DNAH3: variants seen among roughly 807,000 people sequenced by gnomAD.
The protein encoded by DNAH3 is axonemal beta dynein heavy chain 3.
In DNAH3, 332 loss-of-function variants were observed where a neutral mutation model predicts 432.5. The ratio of observed to expected loss-of-function variants is 0.77; its 90% CI spans 0.70 to 0.84. The LOEUF (loss-of-function observed/expected upper bound fraction) is 0.84, where lower values mean the gene tolerates loss of function less well. Among genes scored for constraint, DNAH3 ranks in the 40% least tolerant of loss-of-function variants. The pLI, the probability that DNAH3 is intolerant of heterozygous loss-of-function variation, is 0.00. For synonymous variants in DNAH3, 1,956 were observed against 1,900.2 expected, an observed-to-expected ratio of 1.03 and a Z score of -0.76; for missense variants, 4,861 against 5,114.0, an observed-to-expected ratio of 0.95 and a Z score of 1.51.
intron 7 of DNAH3, 106 bp from the exon 9 acceptor site, chr16:21,127,918 G>A (rs1014058571): frequency 4.4e-6 from 6 of 1,364,194 alleles, no homozygotes; most frequent in South Asian, 1.3e-5. Context: ...TGAAAGTTAA[G>A]CAGAATCAAA....
chr16:21,065,158 C>T (rs1488260736), intron 24 of DNAH3, among the ~76,000 whole-genome samples: 2 of 152,020 alleles, frequency 1.3e-5, no homozygotes, highest in Non-Finnish European at 2.9e-5. Context: ...TATATTAGTG[C>T]TATTATTCAT....
At chr16:21,018,982 A>G (rs1289023667) in intron 41 of DNAH3, among the ~76,000 whole-genome samples, 2 of 152,082 alleles carry the variant, frequency 1.3e-5, no homozygotes, top group African/African-American at 4.8e-5. Context: ...ACAGAAATAG[A>G]AAGGAATAAG....
At position 21,005,366 on chromosome 16, in the gene DNAH3, TTC is replaced by T. The variant is rs887115519; in HGVS notation, c.6023-2161_6023-2160del. Among the ~76,000 whole-genome samples the T allele has an allele frequency of 2.6e-3, 384 of 149,096 alleles. 2 individuals are homozygous for T. Among genetic ancestry groups the T allele is most frequent in the African/African-American group, 9.0e-3 (369 of 40,776 alleles). Reference sequence around the variant, plus strand: ...TTCCTTCCTTCCTCTCTTTCATTCTTTCTCTCTTTTTCTCTTTTTTCTTTCTT... The same window carrying T: ...TTCCTTCCTTCCTCTCTTTCATTCTTTCTCTTTTTCTCTTTTTTCTTTCTT... On this transcript the variant is annotated intron_variant, in intron 41 of 61. Coordinates refer to ENST00000261383, the Ensembl canonical transcript of DNAH3.
rs201884809 is a variant in DNAH3, at chr16:20,940,226, G to GT, written c.11654+1174dup. Among the ~76,000 whole-genome samples the GT allele has an allele frequency of 6.0e-3, 915 of 151,774 alleles. 7 individuals carry two copies. The highest frequency in any genetic ancestry group is 0.027 in the Middle Eastern group (8 of 292). Reference sequence around the variant, plus strand: ...AGTCTTAACCCTTCTGAATCTCAGAGTTTTTTTTTATTTTCTTTAAGAGAT... The same window carrying GT: ...AGTCTTAACCCTTCTGAATCTCAGAGTTTTTTTTTTATTTTCTTTAAGAGAT... On this transcript the variant is annotated intron_variant, in intron 59 of 61. Transcript: ENST00000261383.
At chr16:21,027,226 C>A in intron 37 of DNAH3, 99 bp from the exon 38 acceptor site, 1 of 845,598 alleles carries the variant, frequency 1.2e-6, no homozygotes, top group Non-Finnish European at 2.0e-6. Context: ...TGATTCATTC[C>A]ATAAATATTT....
intron 33 of DNAH3, among the ~76,000 whole-genome samples, 200 bp downstream of exon 33, chr16:21,039,652 T>C (rs2089336405): frequency 6.6e-6 from 1 of 152,172 alleles, no homozygotes; most frequent in African/African-American, 2.4e-5. Context: ...GGTTCCGCCC[T>C]GGGAATCTGG....
intron 54 of DNAH3, among the ~76,000 whole-genome samples, chr16:20,957,684 T>G (rs999725618): frequency 1.3e-5 from 2 of 151,606 alleles, no homozygotes; most frequent in Admixed American, 6.6e-5. Flanking sequence ...TGGTGGTGCA[T>G]GCCTGTAGTA....
In DNAH3 at chr16:21,131,471, G is replaced by A. The variant is rs1175049349; in HGVS notation, c.1082+2788C>T. 1.3e-4 allele frequency among the ~76,000 whole-genome samples: 5 copies of A among 39,838 alleles called. No individual in the cohort carries two copies. In the South Asian group the frequency reaches 5.5e-3, roughly 44 times the overall value. The allele number at this position is 39,838 out of a possible 152,430, so 26.1% of individuals were successfully genotyped here. On this transcript the variant is annotated intron_variant, in intron 7 of 61. Coordinates refer to ENST00000261383, the Ensembl canonical transcript of DNAH3. ...AGAAGGAAAGAAAGGAAGGAAGGAA[G>A]GAAGGAAGAAAGAAAAGAAAGAGAG... is the stretch of plus-strand genomic sequence containing the variant.
At chr16:20,935,414 A>G (rs2083551296) in exon 61 of DNAH3, 3 of 1,613,548 alleles carry the variant, frequency 1.9e-6, no homozygotes, top group Non-Finnish European at 1.7e-6. Flanking sequence ...GAGAGACGCC[A>G]GTCAAAAAAG....
chr16:20,961,459 C>T (rs1343378103), intron 53 of DNAH3, among the ~76,000 whole-genome samples: 2 of 151,182 alleles, frequency 1.3e-5, no homozygotes, highest in African/African-American at 4.9e-5. Context: ...CAAACTTGCA[C>T]GTTGTGCACA....
chr16:20,965,247 C>T (rs755169412), exon 53 of DNAH3: 19 of 1,612,722 alleles, frequency 1.2e-5, no homozygotes, highest in South Asian at 6.6e-5. Context: ...CCTCGCAGGC[C>T]GACGATACAT....
chr16:21,067,536 C>A, intron 23 of DNAH3, 117 bp from the exon 24 acceptor site: 6 of 1,040,066 alleles, frequency 5.8e-6, no homozygotes, highest in Non-Finnish European at 8.7e-6. Flanking sequence ...CTAACTGCCT[C>A]CTGATCCCCC....
In DNAH3 at chr16:21,021,428, A is replaced by T. The variant is rs2088213864; in HGVS notation, c.5776+543T>A. 2.0e-5 allele frequency among the ~76,000 whole-genome samples: 3 copies of T among 152,348 alleles called. 1 individual carries two copies. Among genetic ancestry groups the T allele is most frequent in the South Asian group, 4.1e-4 (2 of 4,830 alleles). ...TCTCATTATGTAAATGAGGAGCCTTAGACTGAGGAATGATGGGGTAATTTG... is the reference window on the plus strand; with the variant it reads ...TCTCATTATGTAAATGAGGAGCCTTTGACTGAGGAATGATGGGGTAATTTG... On this transcript the variant is annotated intron_variant, in intron 40 of 61. Coordinates refer to ENST00000261383, the Ensembl canonical transcript of DNAH3.
At chr16:20,981,330 A>C in intron 49 of DNAH3, among the ~76,000 whole-genome samples, 1 of 152,194 alleles carries the variant, frequency 6.6e-6, no homozygotes, top group East Asian at 1.9e-4. Flanking sequence ...GACCCAGGTT[A>C]AGGGTCTTCT....
At chr16:21,046,407 T>C (rs2089698960) in intron 31 of DNAH3, among the ~76,000 whole-genome samples, 1 of 151,268 alleles carries the variant, frequency 6.6e-6, no homozygotes, top group Non-Finnish European at 1.5e-5. Context: ...TCTTGTTGAA[T>C]TGATCCCTTT....
exon 54 of DNAH3, chr16:20,959,371 C>A (rs2084710830): frequency 6.2e-7 from 1 of 1,613,458 alleles, no homozygotes; most frequent in Non-Finnish European, 8.5e-7. Flanking sequence ...TCTGGTACCT[C>A]CCATACCAAG....
intron 41 of DNAH3, among the ~76,000 whole-genome samples, chr16:21,007,903 A>C (rs1213431945): frequency 6.6e-6 from 1 of 152,126 alleles, no homozygotes; most frequent in East Asian, 1.9e-4. Flanking sequence ...CTACAAATTC[A>C]CTCTTTTACA....
intron 34 of DNAH3, 24 bp downstream of exon 34, chr16:21,037,737 C>T (rs1406522377): frequency 1.2e-6 from 2 of 1,608,166 alleles, no homozygotes; most frequent in African/African-American, 2.7e-5. Flanking sequence ...TGGTCCTCGG[C>T]CAAGGTCCTG....
At chr16:21,131,985 G>A (rs1567847555) in intron 7 of DNAH3, among the ~76,000 whole-genome samples, 1 of 151,872 alleles carries the variant, frequency 6.6e-6, no homozygotes, top group African/African-American at 2.4e-5. Context: ...CCAGAATTCA[G>A]ATCCCATTCT....
Sources: allele counts gnomAD v4.1 joint callset (sites outside exome capture counted in the v4.1 genomes callset), GRCh38; gene constraint gnomAD v4.1.1; transcripts MANE v1.5; gene names NCBI Gene and HGNC (gene_info 2026-07-23, HGNC 2026-07-21).